Variants in CFAP92 observed in about 807,000 individuals in gnomAD.
The protein encoded by CFAP92 is cilia and flagella associated protein 92 (putative), also known as uncharacterized protein CFAP92.
In CFAP92, 86 loss-of-function variants were observed where a neutral mutation model predicts 106.3. The observed-to-expected ratio is 0.81, with a 90% confidence interval of 0.68 to 0.97. The LOEUF (loss-of-function observed/expected upper bound fraction) is 0.97, where lower values mean the gene tolerates loss of function less well. Ranked by LOEUF, CFAP92 falls within the 50% of genes least tolerant of loss-of-function variation. The probability of loss-of-function intolerance (pLI) is 0.00; values close to 1 mark genes in which losing one functional copy is unlikely to be tolerated. For missense variants in CFAP92, 1,204 were observed against 1,283.8 expected (o/e 0.94, Z 0.95); for synonymous variants, 477 against 506.4 (o/e 0.94, Z 0.78).
Position 128,915,498 on chromosome 3 carries a change from C to CA in CFAP92, c.2981dup (p.Leu994PhefsTer48). 4 of 1,536,124 alleles carry CA rather than the reference C, an allele frequency of 2.6e-6. No individual in the cohort carries two copies. The highest frequency in any genetic ancestry group is 3.5e-6 in the Non-Finnish European group (4 of 1,146,896). ...TCTGGGCTTTCTTCTCCTCTTCCTT[C>CA]AAGTCCAGGGGCTCCACCATGGCTG... On this transcript the variant is annotated frameshift_variant, in exon 14 of 16. Transcript: ENST00000645291. LOFTEE classifies it high-confidence loss of function.
chr3:129,002,885 C>T (rs1320421548), upstream of CFAP92, among the ~76,000 whole-genome samples: 2 of 152,170 alleles, frequency 1.3e-5, no homozygotes, highest in Non-Finnish European at 2.9e-5. Context: ...CAGGCACTCA[C>T]GGGCCACCAA....
chr3:128,978,077 T>C lies in CFAP92; in HGVS notation c.776A>G (p.Glu259Gly), dbSNP rs555944690. 3.5e-5 allele frequency: 56 copies of C among 1,614,036 alleles called. No homozygotes were observed. In the South Asian group the frequency reaches 5.7e-4, roughly 16 times the overall value. Residue 259 changes from glutamate (E) to glycine (G), a missense_variant, in exon 5 of 16, where the codon GAA becomes GGA. By Grantham distance (98) the Glu-to-Gly change is moderately conservative. Transcript: ENST00000645291. Reference protein sequence around the residue: ...SNQEHPPGKQEKTEKHPKSLQ... With the variant: ...SNQEHPPGKQGKTEKHPKSLQ... ...AGACTTTGGGTGTTTTTCTGTTTTT[T>C]CTTGTTTTCCTGGCGGATGTTCCTG...
intron 8 of CFAP92, chr3:128,970,772 A>C (rs1942731979): frequency 1.9e-5 from 3 of 154,506 alleles, no homozygotes; most frequent in African/African-American, 7.2e-5. Flanking sequence ...CTCACTGAAA[A>C]AAATGGTAAC....
intron 4 of CFAP92, among the ~76,000 whole-genome samples, chr3:128,981,958 C>T (rs1341933275): frequency 6.6e-6 from 1 of 152,214 alleles, no homozygotes; most frequent in Non-Finnish European, 1.5e-5. Flanking sequence ...TTTGTTGTTC[C>T]ATTTCTAGAG....
At chr3:128,926,194 T>C (rs932555399) in intron 12 of CFAP92, among the ~76,000 whole-genome samples, 1 of 152,238 alleles carries the variant, frequency 6.6e-6, no homozygotes, top group Non-Finnish European at 1.5e-5. Context: ...CTCAACATTA[T>C]TGAGAGAGAG....
In CFAP92 at chr3:128,909,880, A is replaced by G. The variant is rs75330990; in HGVS notation, c.*419T>C. On this transcript the variant is annotated 3_prime_UTR_variant, in exon 16 of 16. Transcript: ENST00000645291. ...GGTGGCTGGGAGCCGTTCTCCCACA[A>G]CCTGAAGAGAAAGGTGTTATTGACT... The G allele has an allele frequency of 0.023, 27,643 of 1,219,148 alleles. 407 individuals carry two copies. The highest frequency in any genetic ancestry group is 0.072 in the Middle Eastern group (284 of 3,934). 75.5% of individuals were successfully genotyped at this position (1,219,148 alleles called of 1,614,324 possible). A position where few individuals can be genotyped will look rare whatever the true frequency, so the allele number is the denominator to read the frequency against.
At chr3:129,023,310 CT>C in the CFAP92 span, among the ~76,000 whole-genome samples, 426 of 138,104 alleles carry the variant, frequency 3.1e-3, no homozygotes, top group African/African-American at 5.3e-3. Context: ...CCTCTTGCTT[CT>C]TTTTTTTTTT....
At chr3:128,965,319 C>T (rs960569435) in intron 9 of CFAP92, among the ~76,000 whole-genome samples, 192 bp downstream of exon 9, 2 of 152,132 alleles carry the variant, frequency 1.3e-5, no homozygotes, top group Non-Finnish European at 2.9e-5. Context: ...GGACTCAGCC[C>T]GCCTGCACCC....
rs955990416 is a variant in CFAP92 at position 128,935,261 on chromosome 3, G to A, written c.2317C>T (p.Arg773Cys). 5.9e-6 allele frequency: 9 copies of A among 1,535,788 alleles called. No individual in the cohort carries two copies. The highest frequency in any genetic ancestry group is 2.4e-5 in the South Asian group (2 of 84,052). Reference protein sequence around the residue: ...KVLYNSQLLFRSRLYGDLEAI... With the variant: ...KVLYNSQLLFCSRLYGDLEAI... ...TCCAGGTCCCCATAGAGCCGGCTGCGGAACAGCAGCTGTGAGTTGTACAGC... is the reference window on the plus strand; with the variant it reads ...TCCAGGTCCCCATAGAGCCGGCTGCAGAACAGCAGCTGTGAGTTGTACAGC... Residue 773 changes from arginine (R) to cysteine (C), a missense_variant, in exon 11 of 16, where the codon CGC becomes TGC. Physicochemically the swap from Arg to Cys is radical, Grantham distance 180. Coordinates refer to ENST00000645291, the MANE Select transcript of CFAP92 (RefSeq NM_001394090.1).
chr3:128,967,467 CGAGGCAGGCG>C (rs111346847), intron 8 of CFAP92: 28 of 152,314 alleles, frequency 1.8e-4, no homozygotes, highest in African/African-American at 6.7e-4. Flanking sequence ...TTTGGCAGGC[CGAGGCAGGCG>C]GATCACCTGA....
At chr3:128,931,192 A>T (rs2107702837) in intron 12 of CFAP92, among the ~76,000 whole-genome samples, 1 of 151,614 alleles carries the variant, frequency 6.6e-6, no homozygotes, top group Admixed American at 6.6e-5. Flanking sequence ...GGCATTAGGC[A>T]CTGTGCCGCA....
chr3:129,004,180 A>G, upstream of CFAP92: 1 of 1,282,878 alleles, frequency 7.8e-7, no homozygotes, highest in South Asian at 1.8e-5. Context: ...CGTGTTCCGC[A>G]GTTTCTCCAT....
At chr3:128,959,191 CAA>C (rs1481266058) in intron 9 of CFAP92, among the ~76,000 whole-genome samples, 1 of 151,884 alleles carries the variant, frequency 6.6e-6, no homozygotes, top group Admixed American at 6.6e-5. Context: ...GCCTGGGCAA[CAA>C]GAGCAAAATT....
At chr3:129,018,468 G>C in the CFAP92 span, among the ~76,000 whole-genome samples, 3 of 152,238 alleles carry the variant, frequency 2.0e-5, no homozygotes, top group Admixed American at 6.5e-5. Context: ...ACACAGCCAT[G>C]TCCACTTGTT....
chr3:128,993,895 A>G (rs1011137033), intron 1 of CFAP92, 85 bp downstream of exon 1: 5 of 940,882 alleles, frequency 5.3e-6, no homozygotes, highest in Admixed American at 1.2e-4. Flanking sequence ...GGGAACACGC[A>G]TCGAGGCGAG....
chr3:128,985,791 C>T (rs1943816023), intron 4 of CFAP92, among the ~76,000 whole-genome samples: 2 of 152,192 alleles, frequency 1.3e-5, no homozygotes, highest in African/African-American at 4.8e-5. Flanking sequence ...CCCATTTTCT[C>T]ACACTGGAAG....
rs565267210 is a variant in CFAP92 at position 128,993,026 on chromosome 3, T to A, written c.262+17A>T. 2 of 1,613,226 alleles carry A rather than the reference T, an allele frequency of 1.2e-6. No homozygotes were observed. The highest frequency in any genetic ancestry group is 2.2e-5 in the South Asian group (2 of 91,070). On this transcript the variant is annotated intron_variant, in intron 2 of 15. Transcript: ENST00000645291. Reference sequence around the variant, plus strand: ...TCCTTTTTTCAGAGGGTGTTAAACTTCTGCTCTAGCACCTACCCATATTCA... The same window carrying A: ...TCCTTTTTTCAGAGGGTGTTAAACTACTGCTCTAGCACCTACCCATATTCA...
upstream of CFAP92, among the ~76,000 whole-genome samples, chr3:129,005,132 G>A (rs552804438): frequency 2.7e-4 from 41 of 152,336 alleles, 1 homozygote; most frequent in East Asian, 6.0e-3. Flanking sequence ...CCAGGCATCA[G>A]GGATGTGACC....
the CFAP92 span, among the ~76,000 whole-genome samples, chr3:129,015,063 C>G: frequency 4.6e-5 from 7 of 152,192 alleles, no homozygotes; most frequent in Non-Finnish European, 7.3e-5. Context: ...CACACAGCAT[C>G]AGGTTAATCT....
Sources: allele counts gnomAD v4.1 joint callset (sites outside exome capture counted in the v4.1 genomes callset), GRCh38; gene constraint gnomAD v4.1.1; transcripts MANE v1.5; gene names NCBI Gene and HGNC (gene_info 2026-07-23, HGNC 2026-07-21).